POFUT4: variants seen among roughly 807,000 people sequenced by gnomAD.
POFUT4 encodes the protein protein O-fucosyltransferase 4, also known as GDP-fucose protein O-fucosyltransferase 4.
At chr10:73,773,436 C>CGAT in the POFUT4 span, 1 of 1,614,244 alleles carries the variant, frequency 6.2e-7, no homozygotes, top group Non-Finnish European at 8.5e-7. Flanking sequence ...GCCGAACAAT[C>CGAT]ACTCCGTCAT....
the POFUT4 span, chr10:73,772,622 G>A: frequency 6.4e-7 from 1 of 1,560,338 alleles, no homozygotes. Flanking sequence ...GGAGCGCATC[G>A]AGTGTGCGCG....
At chr10:73,772,992 T>C in the POFUT4 span, 1 of 1,596,076 alleles carries the variant, frequency 6.3e-7, no homozygotes, top group Non-Finnish European at 8.5e-7. Flanking sequence ...CACTGCGACG[T>C]GCCAGCGGAC....
the POFUT4 span, chr10:73,775,568 T>G: frequency 8.1e-6 from 13 of 1,614,234 alleles, no homozygotes; most frequent in Non-Finnish European, 1.1e-5. Context: ...TGCAAGATTA[T>G]TGGCAAGGTC....
At chr10:73,775,654 A>T in the POFUT4 span, 2 of 1,614,130 alleles carry the variant, frequency 1.2e-6, no homozygotes, top group Admixed American at 3.3e-5. Context: ...GATTACCTAC[A>T]TGAAATCTTC....
chr10:73,775,672 G>C, the POFUT4 span: 2 of 1,614,188 alleles, frequency 1.2e-6, no homozygotes, highest in Non-Finnish European at 1.7e-6. Context: ...TTCATGAAGA[G>C]GCAACATCTC....
chr10:73,773,519 G>A, the POFUT4 span: 2 of 1,614,238 alleles, frequency 1.2e-6, no homozygotes, highest in Non-Finnish European at 1.7e-6. Flanking sequence ...ATGATGAGGA[G>A]TATATGAAAT....
At chr10:73,772,445 T>G in the POFUT4 span, 1 of 1,555,276 alleles carries the variant, frequency 6.4e-7, no homozygotes, top group Non-Finnish European at 8.7e-7. Flanking sequence ...GGAGGCGGAG[T>G]GGGCGGAACC....
chr10:73,776,506 G>C, the POFUT4 span, among the ~76,000 whole-genome samples: 1 of 151,862 alleles, frequency 6.6e-6, no homozygotes, highest in South Asian at 2.1e-4. Flanking sequence ...ATCCTAGCAA[G>C]ACCTTGTCTC....
At chr10:73,773,358 C>T in the POFUT4 span, 1 of 1,614,204 alleles carries the variant, frequency 6.2e-7, no homozygotes, top group Non-Finnish European at 8.5e-7. Context: ...GACAGAAAAA[C>T]TGTGGCGTCC....
the POFUT4 span, chr10:73,773,735 C>A: frequency 6.2e-7 from 1 of 1,614,000 alleles, no homozygotes; most frequent in African/African-American, 1.3e-5. Context: ...TTGAGCCCCA[C>A]ATTGCCCAGC....
chr10:73,774,103 G>A, the POFUT4 span: 1 of 348,730 alleles, frequency 2.9e-6, no homozygotes, highest in Non-Finnish European at 5.2e-6. Context: ...GCAGACAGGG[G>A]AGAGAGAAAA....
the POFUT4 span, chr10:73,772,690 GC>G: frequency 1.3e-6 from 2 of 1,566,562 alleles, no homozygotes; most frequent in South Asian, 2.3e-5. Flanking sequence ...GGACGCGCGC[GC>G]TGCTCTTCTA....
At chr10:73,773,737 TTGCCCAGCCCTCACACATGGAC>T in the POFUT4 span, 1 of 1,614,080 alleles carries the variant, frequency 6.2e-7, no homozygotes, top group Non-Finnish European at 8.5e-7. Flanking sequence ...GAGCCCCACA[TTGCCCAGCCCTCACACATGGAC>T]TGCCCAGTGC....
chr10:73,774,415 C>T, the POFUT4 span: 1 of 152,134 alleles, frequency 6.6e-6, no homozygotes. Context: ...CACGGTGGCT[C>T]ACACCTGTAA....
the POFUT4 span, chr10:73,772,417 G>C: frequency 1.3e-6 from 2 of 1,572,064 alleles, no homozygotes; most frequent in African/African-American, 1.4e-5. Context: ...GGTCCGTAGC[G>C]GAGAGGGAGG....
the POFUT4 span, chr10:73,774,512 A>G: frequency 6.6e-6 from 1 of 152,126 alleles, no homozygotes; most frequent in Non-Finnish European, 1.5e-5. Context: ...ACCAGCCTGG[A>G]CAATATAATA....
the POFUT4 span, chr10:73,772,600 C>T: frequency 3.2e-6 from 5 of 1,572,070 alleles, no homozygotes; most frequent in Non-Finnish European, 4.3e-6. Context: ...TCCCCCACTT[C>T]CCGGGAGACT....
chr10:73,773,516 G>A, the POFUT4 span: 2 of 1,614,190 alleles, frequency 1.2e-6, no homozygotes, highest in African/African-American at 1.3e-5. Context: ...AGAATGATGA[G>A]GAGTATATGA....
At chr10:73,773,398 G>A in the POFUT4 span, 1 of 1,614,218 alleles carries the variant, frequency 6.2e-7, no homozygotes, top group Non-Finnish European at 8.5e-7. Context: ...CCCGTGTACC[G>A]CGGTTCTCCC....
Sources: gnomAD v4.1 joint callset for allele counts (sites outside exome capture counted in the v4.1 genomes callset) on GRCh38, gnomAD v4.1.1 for gene constraint, MANE v1.5 for transcripts, NCBI Gene and HGNC (gene_info 2026-07-23, HGNC 2026-07-21) for gene names.